NF1: variants seen among roughly 807,000 people sequenced by gnomAD.
NF1 encodes the protein neurofibromin 1.
A neutral mutation model predicts 325.7 loss-of-function variants in NF1; 122 were observed. That is an observed-to-expected ratio of 0.37 (90% CI 0.32 to 0.44). The LOEUF (loss-of-function observed/expected upper bound fraction) is 0.44, where lower values mean the gene tolerates loss of function less well. Among genes scored for constraint, NF1 ranks in the 20% least tolerant of loss-of-function variants. The pLI, the probability that NF1 is intolerant of heterozygous loss-of-function variation, is 1.00. For missense variants in NF1, 2,140 were observed against 3,415.4 expected, an observed-to-expected ratio of 0.63 and a Z score of 9.31; for synonymous variants, 1,091 against 1,186.0, an observed-to-expected ratio of 0.92 and a Z score of 1.65.
chr17:31,330,231 GA>G, intron 38 of NF1, 64 bp from the exon 39 acceptor site: 3 of 1,366,448 alleles, frequency 2.2e-6, no homozygotes, highest in Non-Finnish European at 3.1e-6. Flanking sequence ...TGTATGTTAT[GA>G]AAAAATTTTG....
chr17:31,161,893 A>G (rs959457389), intron 3 of NF1, among the ~76,000 whole-genome samples: 2 of 151,768 alleles, frequency 1.3e-5, no homozygotes, highest in Non-Finnish European at 2.9e-5. Context: ...AAAATTAGCC[A>G]GATGTGGTGG....
At position 31,226,439 on chromosome 17, in the gene NF1, G is replaced by A. The variant is rs1288056326; in HGVS notation, c.2006G>A (p.Ser669Asn). The change falls in exon 18 of 58, where the codon AGT becomes AAT. Residue 669 changes from serine (S) to asparagine (N), a missense_variant. Transcript: ENST00000358273. ...RKGKGNSSMDSAAGCSGTPPI... is the reference protein window; with the variant it reads ...RKGKGNSSMDNAAGCSGTPPI... ...TCTTCCACCCTTGACTCTCAGGATA[G>A]TGCAGCAGGATGCAGCGGAACCCCC... 2 of 1,613,176 alleles carry A rather than the reference G, an allele frequency of 1.2e-6. No individual in the cohort carries two copies. The highest frequency in any genetic ancestry group is 1.7e-6 in the Non-Finnish European group (2 of 1,179,722).
intron 4 of NF1, among the ~76,000 whole-genome samples, chr17:31,166,224 T>C (rs965940586): frequency 1.3e-5 from 2 of 152,224 alleles, no homozygotes; most frequent in African/African-American, 4.8e-5. Context: ...GTTTACTATT[T>C]GGTTCCATAC....
intron 1 of NF1, among the ~76,000 whole-genome samples, chr17:31,155,076 T>C (rs1278105166): frequency 6.6e-6 from 1 of 152,174 alleles, no homozygotes; most frequent in Non-Finnish European, 1.5e-5. Context: ...ATTAACTGAT[T>C]TAGCAAACTT....
rs1043285129 is a variant in NF1 at position 31,173,083 on chromosome 17, C to T, written c.586+3086C>T. ...GATCACTGAGGTTAGGAGTTCGAGA[C>T]CAGCCTGGCCAACATGGGGAAACTC... On this transcript the variant is annotated intron_variant, in intron 5 of 57. Coordinates refer to ENST00000358273, the MANE Select transcript of NF1 (RefSeq NM_001042492.3). Among the ~76,000 whole-genome samples, 2 of 151,712 alleles carry T rather than the reference C, an allele frequency of 1.3e-5. 1 individual carries two copies. The highest frequency in any genetic ancestry group is 4.8e-5 in the African/African-American group (2 of 41,278).
chr17:31,210,083 T>C (rs2066700430), intron 12 of NF1, among the ~76,000 whole-genome samples: 1 of 152,216 alleles, frequency 6.6e-6, no homozygotes, highest in African/African-American at 2.4e-5. Flanking sequence ...AGTTCTGAGG[T>C]TTCTTGACAT....
At chr17:31,305,068 GTAC>G in intron 36 of NF1, 3 of 1,614,162 alleles carry the variant, frequency 1.9e-6, no homozygotes, top group South Asian at 2.2e-5. Context: ...AAATCCTGGT[GTAC>G]TCCTAGGTGA....
chr17:31,281,034 A>G (rs1185942415), intron 36 of NF1, among the ~76,000 whole-genome samples: 1 of 152,200 alleles, frequency 6.6e-6, no homozygotes, highest in Non-Finnish European at 1.5e-5. Flanking sequence ...ACCCAATCAT[A>G]TATGTACTAC....
chr17:31,260,105 C>T (rs1248365929), intron 33 of NF1, among the ~76,000 whole-genome samples: 1 of 152,154 alleles, frequency 6.6e-6, no homozygotes, highest in Non-Finnish European at 1.5e-5. Flanking sequence ...AAATACTAGC[C>T]TCTTTCCAAA....
intron 39 of NF1, chr17:31,330,762 C>T (rs935969716): frequency 9.2e-5 from 35 of 379,692 alleles, no homozygotes; most frequent in Middle Eastern, 7.3e-4. Context: ...GGACCACTTA[C>T]AAAGTATTTT....
intron 36 of NF1, among the ~76,000 whole-genome samples, chr17:31,287,330 A>G (rs2068248690): frequency 6.6e-6 from 1 of 152,362 alleles, no homozygotes; most frequent in Non-Finnish European, 1.5e-5. Context: ...TCTGGAGTAT[A>G]TGTTCTTAAC....
chr17:31,324,536 ATCTAAT>A (rs1030736036), intron 36 of NF1, among the ~76,000 whole-genome samples: 1 of 152,206 alleles, frequency 6.6e-6, no homozygotes, highest in African/African-American at 2.4e-5. Flanking sequence ...TGTTCCTTCT[ATCTAAT>A]TCTAACAATA....
Position 31,325,821 on chromosome 17 carries a change from T to C in NF1, c.4837T>C (p.Phe1613Leu). 6.2e-7 allele frequency: 1 copy of C among 1,613,722 alleles called. No homozygotes were observed. The highest frequency in any genetic ancestry group is 8.5e-7 in the Non-Finnish European group (1 of 1,179,700). Residue 1613 changes from phenylalanine to leucine, a missense_variant and splice_region_variant, in exon 37 of 58, where the codon TTC (phenylalanine) becomes CTC (leucine). Phe to Leu is a conservative substitution (Grantham distance 22). This residue lies in a region of NF1 where 103 missense variants were observed against 214.6 expected (regional missense o/e 0.48). Transcript: ENST00000358273. ...NPIFYYVARR[F>L]KTGQINGDLL... ...TGTCTTTTTTGTCATTTTCCTTAGG[T>C]TCAAAACTGGTCAAATCAATGGTGA...
intron 36 of NF1, among the ~76,000 whole-genome samples, chr17:31,309,487 A>G (rs555390946): frequency 2.0e-5 from 3 of 152,276 alleles, no homozygotes; most frequent in East Asian, 1.9e-4. Context: ...GTTCCTACCC[A>G]TTATTCTTAT....
intron 48 of NF1, among the ~76,000 whole-genome samples, chr17:31,345,065 G>T (rs1462875340): frequency 6.6e-6 from 1 of 152,216 alleles, no homozygotes; most frequent in African/African-American, 2.4e-5. Context: ...AGAGGTTGCA[G>T]TGAGCCAAGA....
chr17:31,222,093 T>C, intron 15 of NF1, 164 bp downstream of exon 15: 9 of 1,299,032 alleles, frequency 6.9e-6, no homozygotes, highest in Non-Finnish European at 8.8e-6. Context: ...TTTCTTGTTT[T>C]AACTGTAAGA....
intron 1 of NF1, among the ~76,000 whole-genome samples, chr17:31,120,871 A>G (rs942830513): frequency 1.1e-4 from 17 of 152,168 alleles, no homozygotes. Flanking sequence ...GTAATTTGTG[A>G]TTGTTTCAAA....
rs759576680 is a variant in NF1, at chr17:31,156,051, A to C, written c.129A>C (p.Leu43=). Reference sequence around the variant, plus strand: ...GTACTGAGCACAACAAGGAATGTCTAATCAATATTTCCAAATACAAGTTTT... The same window carrying C: ...GTACTGAGCACAACAAGGAATGTCTCATCAATATTTCCAAATACAAGTTTT... ...KVSTEHNKEC[L]INISKYKFSL... is the part of the protein sequence containing the mutation. The change falls in exon 2 of 58, where the codon CTA becomes CTC. Residue 43 remains leucine (L), a synonymous_variant. Coordinates refer to ENST00000358273, the MANE Select transcript of NF1 (RefSeq NM_001042492.3). 39 of 1,613,584 alleles carry C rather than the reference A, an allele frequency of 2.4e-5. No individual in the cohort carries two copies. Among genetic ancestry groups the C allele is most frequent in the Non-Finnish European group, 2.5e-5 (29 of 1,179,802 alleles).
In NF1 at chr17:31,229,674, G is replaced by C. The variant is rs957873775; in HGVS notation, c.2851-161G>C. Reference sequence around the variant, plus strand: ...GTGTGCCTAAGGGTATACGTGCCCTGTGTATGGGTACGAGTGTCTGCGTAT... The same window carrying C: ...GTGTGCCTAAGGGTATACGTGCCCTCTGTATGGGTACGAGTGTCTGCGTAT... On this transcript the variant is annotated intron_variant, in intron 21 of 57. Transcript: ENST00000358273. 1.3e-4 allele frequency: 131 copies of C among 1,006,332 alleles called. No individual in the cohort carries two copies. The African/African-American group carries it at 2.0e-3, about 16-fold the overall frequency. 62.3% of individuals were successfully genotyped at this position (1,006,332 alleles called of 1,614,324 possible).
Sources: allele counts gnomAD v4.1 joint callset (sites outside exome capture counted in the v4.1 genomes callset), GRCh38; gene constraint gnomAD v4.1.1; regional missense constraint gnomAD v4.1.1; transcripts MANE v1.5; gene names NCBI Gene and HGNC (gene_info 2026-07-23, HGNC 2026-07-21).